The following ARHGAP32 variants were observed in gnomAD, a reference collection of about 807,000 sequenced individuals.
ARHGAP32 encodes Rho GTPase activating protein 32.
In ARHGAP32, 51 loss-of-function variants were observed where a neutral mutation model predicts 186.5. That is an observed-to-expected ratio of 0.27 (90% confidence interval 0.22 to 0.35). ARHGAP32 has a LOEUF of 0.35. Among genes scored for constraint, ARHGAP32 ranks in the 10% least tolerant of loss-of-function variants. The probability of loss-of-function intolerance (pLI) is 1.00; values close to 1 mark genes in which losing one functional copy is unlikely to be tolerated. For missense variants in ARHGAP32, 2,186 were observed against 2,623.5 expected (o/e 0.83, Z 3.64); for synonymous variants, 950 against 964.3 (o/e 0.99, Z 0.27).
intron 1 of ARHGAP32, among the ~76,000 whole-genome samples, chr11:129,207,983 A>G (rs575456976): frequency 6.6e-6 from 1 of 152,228 alleles, no homozygotes; most frequent in South Asian, 2.1e-4. Context: ...GTCCTCCCAC[A>G]CAATCCACTA....
At chr11:129,094,412 G>A (rs1368375799) in intron 5 of ARHGAP32, among the ~76,000 whole-genome samples, 1 of 152,070 alleles carries the variant, frequency 6.6e-6, no homozygotes, top group Admixed American at 6.6e-5. Context: ...CACCATGTAG[G>A]TCTGCATACT....
intron 1 of ARHGAP32, among the ~76,000 whole-genome samples, chr11:129,218,821 T>C (rs560737213): frequency 1.3e-5 from 2 of 152,286 alleles, no homozygotes; most frequent in South Asian, 2.1e-4. Context: ...AGGTGGATAC[T>C]GCAGGTTAGA....
At chr11:129,106,813 A>G (rs1942060785) in intron 5 of ARHGAP32, among the ~76,000 whole-genome samples, 1 of 152,232 alleles carries the variant, frequency 6.6e-6, no homozygotes, top group Non-Finnish European at 1.5e-5. Flanking sequence ...AAATAATTTT[A>G]AAAATTAATC....
chr11:129,259,375 G>T (rs1474641938), intron 1 of ARHGAP32, among the ~76,000 whole-genome samples: 1 of 151,998 alleles, frequency 6.6e-6, no homozygotes, highest in Non-Finnish European at 1.5e-5. Flanking sequence ...TGTTATTTAT[G>T]ATATTTTCAT....
chr11:129,192,036 G>A (rs763408217), intron 1 of ARHGAP32, 47 bp downstream of exon 1: 1 of 1,345,072 alleles, frequency 7.4e-7, no homozygotes, highest in East Asian at 2.3e-5. Context: ...GGTGCGGGTG[G>A]GGGTAGGGAG....
chr11:129,104,114 G>T (rs1941981876), intron 5 of ARHGAP32, among the ~76,000 whole-genome samples: 2 of 151,916 alleles, frequency 1.3e-5, no homozygotes, highest in African/African-American at 4.8e-5. Flanking sequence ...GCCAAAAAAA[G>T]CATTTTCTGA....
chr11:129,012,803 C>T (rs1490596134), intron 11 of ARHGAP32, among the ~76,000 whole-genome samples: 1 of 152,180 alleles, frequency 6.6e-6, no homozygotes, highest in African/African-American at 2.4e-5. Flanking sequence ...CTAGGCTTCT[C>T]AACAGTAGAG....
At position 129,192,255 on chromosome 11, in the gene ARHGAP32, A is replaced by T; in HGVS notation, c.-57T>A. On this transcript the variant is annotated 5_prime_UTR_variant, in exon 1 of 23. It adds an upstream start codon to the 5' untranslated region. Transcript: ENST00000682385. Reference sequence around the variant, plus strand: ...TCCAGGCATGGAATAAAAAGCACCAACATTCAGGTTGTTCAGCTCTACTCA... The same window carrying T: ...TCCAGGCATGGAATAAAAAGCACCATCATTCAGGTTGTTCAGCTCTACTCA... 8.0e-7 allele frequency: 1 copy of T among 1,246,938 alleles called. No homozygotes were observed. Among genetic ancestry groups the T allele is most frequent in the Non-Finnish European group, 1.2e-6 (1 of 853,284 alleles). The allele number at this position is 1,246,938 out of a possible 1,614,324, so 77.2% of individuals were successfully genotyped here. A position where few individuals can be genotyped will look rare whatever the true frequency, so the allele number is the denominator to read the frequency against.
At chr11:129,164,276 A>T in intron 2 of ARHGAP32, 43 bp downstream of exon 2, 1 of 1,154,592 alleles carries the variant, frequency 8.7e-7, no homozygotes, top group Non-Finnish European at 1.2e-6. Context: ...TGCTATATAT[A>T]CATATATATG....
upstream of ARHGAP32, among the ~76,000 whole-genome samples, chr11:129,193,657 CAATATATATTATATATAATATAT>C (rs1224433114): frequency 2.3e-5 from 1 of 43,458 alleles, no homozygotes; most frequent in South Asian, 5.1e-4. Context: ...AATACATATA[CAATATATATTATATATAATATAT>C]AATATATATT....
At chr11:129,238,954 C>A (rs1944979236) in intron 1 of ARHGAP32, among the ~76,000 whole-genome samples, 1 of 152,124 alleles carries the variant, frequency 6.6e-6, no homozygotes, top group Admixed American at 6.5e-5. Flanking sequence ...CCCACCTCAG[C>A]CTCCCCAATA....
chr11:129,027,263 T>C (rs930762845), intron 11 of ARHGAP32, among the ~76,000 whole-genome samples: 22 of 152,290 alleles, frequency 1.4e-4, no homozygotes, highest in African/African-American at 5.3e-4. Flanking sequence ...CTGGCTCATT[T>C]CAACAGCCAC....
In ARHGAP32 at chr11:128,973,305, T is replaced by C. The variant is rs1419386021; in HGVS notation, c.3201A>G (p.Gln1067=). ...GTCTCTTCAATGACTGAGTTGAGGC[T>C]TGCTGTGCGGACTCAGCTAATGCTA... ...LALALAESAQ[Q]ASTQSLKRPG... is the part of the protein sequence containing the mutation. Residue 1067 remains glutamine, a synonymous_variant, in exon 22 of 23, where the codon CAA becomes CAG. Transcript: ENST00000682385. The C allele has an allele frequency of 6.2e-7, 1 of 1,614,186 alleles. No individual in the cohort carries two copies. Among genetic ancestry groups the C allele is most frequent in the South Asian group, 1.1e-5 (1 of 91,076 alleles).
At chr11:129,272,854 G>A (rs1945488659) in intron 1 of ARHGAP32, among the ~76,000 whole-genome samples, 1 of 152,142 alleles carries the variant, frequency 6.6e-6, no homozygotes, top group South Asian at 2.1e-4. Flanking sequence ...TTTTCAGAAG[G>A]GTTATCCGTT....
At chr11:129,111,583 T>C (rs955723919) in intron 5 of ARHGAP32, among the ~76,000 whole-genome samples, 2 of 152,186 alleles carry the variant, frequency 1.3e-5, no homozygotes, top group African/African-American at 4.8e-5. Context: ...TACTCCTTAT[T>C]GGTATGTTCC....
intron 2 of ARHGAP32, among the ~76,000 whole-genome samples, chr11:129,126,386 T>A (rs1487869186): frequency 2.0e-5 from 3 of 152,202 alleles, no homozygotes; most frequent in Admixed American, 2.0e-4. Context: ...GATGCCACAG[T>A]GAAATAAGTT....
intron 12 of ARHGAP32, among the ~76,000 whole-genome samples, chr11:128,991,490 C>T (rs944904327): frequency 5.3e-5 from 8 of 151,656 alleles, no homozygotes; most frequent in African/African-American, 9.7e-5. Context: ...TATTTTTTCA[C>T]GAAAGAGTAG....
intron 1 of ARHGAP32, among the ~76,000 whole-genome samples, chr11:129,277,840 T>C (rs1380016101): frequency 6.6e-6 from 1 of 152,202 alleles, no homozygotes; most frequent in Non-Finnish European, 1.5e-5. Flanking sequence ...TTGAAAAACT[T>C]TGAGGTCATG....
chr11:129,044,568 G>GT (rs1939733100), intron 10 of ARHGAP32, among the ~76,000 whole-genome samples: 1 of 152,080 alleles, frequency 6.6e-6, no homozygotes, highest in Non-Finnish European at 1.5e-5. Flanking sequence ...ACTGCTAGAG[G>GT]GCTCTAGCTC....
Sources: allele counts gnomAD v4.1 joint callset (sites outside exome capture counted in the v4.1 genomes callset), GRCh38; gene constraint gnomAD v4.1.1; transcripts MANE v1.5; gene names NCBI Gene and HGNC (gene_info 2026-07-23, HGNC 2026-07-21).